Variants in LEF1 observed in about 807,000 individuals in gnomAD.
LEF1 encodes lymphoid enhancer-binding factor 1.
A neutral mutation model predicts 51.2 loss-of-function variants in LEF1; 14 were observed. The ratio of observed to expected loss-of-function variants is 0.27; its 90% CI spans 0.18 to 0.43. The LOEUF (loss-of-function observed/expected upper bound fraction) is 0.43. LEF1 is among the 20% of genes least tolerant of loss of function. LEF1 has a pLI of 1.00. For synonymous variants in LEF1, 185 were observed against 183.2 expected (o/e 1.01, Z -0.08); for missense variants, 386 against 512.0 (o/e 0.75, Z 2.37).
intron 11 of LEF1, among the ~76,000 whole-genome samples, chr4:108,060,473 C>T (rs919389449): frequency 6.6e-6 from 1 of 152,024 alleles, no homozygotes; most frequent in East Asian, 1.9e-4. Context: ...TGCCCCAGGC[C>T]GCACAAATTT....
chr4:108,077,825 C>T (rs1738996219), intron 8 of LEF1, among the ~76,000 whole-genome samples: 1 of 152,212 alleles, frequency 6.6e-6, no homozygotes, highest in African/African-American at 2.4e-5. Flanking sequence ...CCTGCCCTCC[C>T]CAAGTTTGCA....
intron 3 of LEF1, among the ~76,000 whole-genome samples, chr4:108,101,026 A>G (rs1167812979): frequency 6.6e-6 from 1 of 151,838 alleles, no homozygotes; most frequent in Non-Finnish European, 1.5e-5. Flanking sequence ...GTCCCTAATT[A>G]CTCTGTCTGG....
chr4:108,101,603 T>G (rs1329862658), intron 3 of LEF1, among the ~76,000 whole-genome samples: 3 of 152,204 alleles, frequency 2.0e-5, no homozygotes, highest in Non-Finnish European at 4.4e-5. Context: ...GGTAGGCAAG[T>G]TCCTGTGTAC....
At chr4:108,057,538 G>A (rs1471444338) in intron 11 of LEF1, among the ~76,000 whole-genome samples, 1 of 152,038 alleles carries the variant, frequency 6.6e-6, no homozygotes, top group East Asian at 1.9e-4. Flanking sequence ...GCTAAATGTT[G>A]GACACCAGGC....
chr4:108,059,001 C>T lies in LEF1; in HGVS notation c.*6+4622G>A, dbSNP rs1394057832. On this transcript the variant is annotated intron_variant, in intron 11 of 11. Transcript: ENST00000265165. Reference sequence around the variant, plus strand: ...CTAAACAGATGAATCTGGCCTCTCCCAAAGATCCTGCAGCTTGGGGACCAC... The same window carrying T: ...CTAAACAGATGAATCTGGCCTCTCCTAAAGATCCTGCAGCTTGGGGACCAC... 2.0e-5 allele frequency among the ~76,000 whole-genome samples: 3 copies of T among 152,200 alleles called. No individual in the cohort carries two copies. In the East Asian group the frequency reaches 5.8e-4, roughly 29 times the overall value.
chr4:108,126,155 T>C (rs1246713433), intron 3 of LEF1, among the ~76,000 whole-genome samples: 3 of 152,178 alleles, frequency 2.0e-5, no homozygotes, highest in Non-Finnish European at 4.4e-5. Context: ...GTTTCTTTAA[T>C]TGCAAAATAC....
At chr4:108,070,919 G>A (rs1044646965) in intron 8 of LEF1, 149 bp from the exon 9 acceptor site, 7 of 620,322 alleles carry the variant, frequency 1.1e-5, no homozygotes, top group African/African-American at 3.7e-5. Context: ...AAGTGCCGTA[G>A]AAATCTCCTT....
intron 11 of LEF1, among the ~76,000 whole-genome samples, chr4:108,051,847 C>A (rs1302226753): frequency 1.3e-5 from 2 of 151,976 alleles, no homozygotes; most frequent in Non-Finnish European, 2.9e-5. Flanking sequence ...AAAGCCCAAG[C>A]AATAAAGGTG....
chr4:108,081,369 G>A (rs1007603364), intron 6 of LEF1, among the ~76,000 whole-genome samples: 3 of 152,026 alleles, frequency 2.0e-5, no homozygotes, highest in East Asian at 3.9e-4. Context: ...TGAGTCCATC[G>A]CCCGATGGTG....
At chr4:108,145,889 C>T (rs1743969109) in intron 3 of LEF1, among the ~76,000 whole-genome samples, 1 of 152,126 alleles carries the variant, frequency 6.6e-6, no homozygotes, top group Non-Finnish European at 1.5e-5. Context: ...GGGTTACTTT[C>T]CGAGGTGATG....
chr4:108,138,900 C>T (rs1338630386), intron 3 of LEF1, among the ~76,000 whole-genome samples: 2 of 152,210 alleles, frequency 1.3e-5, no homozygotes, highest in African/African-American at 4.8e-5. Context: ...TGCATGTAAA[C>T]ATGAAGCCAC....
chr4:108,142,124 T>G (rs1157335287), intron 3 of LEF1, among the ~76,000 whole-genome samples: 1 of 152,210 alleles, frequency 6.6e-6, no homozygotes, highest in African/African-American at 2.4e-5. Context: ...AAAGGGACTC[T>G]AACATGTATT....
chr4:108,099,278 C>T (rs778821074), intron 3 of LEF1, among the ~76,000 whole-genome samples: 53 of 151,828 alleles, frequency 3.5e-4, no homozygotes, highest in Non-Finnish European at 7.4e-4. Flanking sequence ...GGCAGTTCTG[C>T]TTACAGTTTA....
intron 11 of LEF1, among the ~76,000 whole-genome samples, chr4:108,062,397 C>T (rs933664082): frequency 1.6e-4 from 25 of 152,166 alleles, no homozygotes; most frequent in African/African-American, 5.3e-4. Flanking sequence ...ACAGCATGTG[C>T]GGTGCCCTCT....
chr4:108,133,147 G>C (rs1015906424), intron 3 of LEF1, among the ~76,000 whole-genome samples: 4 of 151,718 alleles, frequency 2.6e-5, no homozygotes, highest in Non-Finnish European at 5.9e-5. Flanking sequence ...CTAATTTTTG[G>C]ATTTTTAGTG....
intron 3 of LEF1, among the ~76,000 whole-genome samples, chr4:108,116,620 A>G (rs897207409): frequency 2.6e-5 from 4 of 152,178 alleles, no homozygotes; most frequent in African/African-American, 9.6e-5. Context: ...CACACATAAA[A>G]TCCAACTTGA....
Position 108,167,403 on chromosome 4 carries a change from C to G in LEF1, c.213+152G>C. 1 of 654,196 alleles carries G rather than the reference C, an allele frequency of 1.5e-6. No individual in the cohort carries two copies. Among genetic ancestry groups the G allele is most frequent in the South Asian group, 1.8e-5 (1 of 54,338 alleles). 40.5% of individuals were successfully genotyped at this position (654,196 alleles called of 1,614,324 possible). ...ACACACACACACACACACTGCGGAC[C>G]GGGGGCCCAGCTACGCACACACCCC... On this transcript the variant is annotated intron_variant, in intron 1 of 11. Transcript: ENST00000265165. This position sits in a 1 kb window ranked among gnomAD's most constrained non-coding sequence, Gnocchi z 5.7.
chr4:108,145,441 G>C (rs904743037), intron 3 of LEF1, among the ~76,000 whole-genome samples: 3 of 152,154 alleles, frequency 2.0e-5, no homozygotes, highest in Non-Finnish European at 4.4e-5. Context: ...TATAGTTCAG[G>C]TATATAATTC....
intron 3 of LEF1, among the ~76,000 whole-genome samples, chr4:108,146,516 T>C (rs1744007151): frequency 6.6e-6 from 1 of 152,220 alleles, no homozygotes; most frequent in Non-Finnish European, 1.5e-5. Flanking sequence ...CAGACCTTGC[T>C]TCACCTCTAG....
Sources: gnomAD v4.1 joint callset for allele counts (sites outside exome capture counted in the v4.1 genomes callset) on GRCh38, gnomAD v4.1.1 for gene constraint, Gnocchi (gnomAD v3.1) non-coding constraint, MANE v1.5 for transcripts, NCBI Gene and HGNC (gene_info 2026-07-23, HGNC 2026-07-21) for gene names.